VPS13D: variants seen among roughly 807,000 people sequenced by gnomAD.
The protein encoded by VPS13D is intermembrane lipid transfer protein VPS13D.
In VPS13D, 187 loss-of-function variants were observed where a neutral mutation model predicts 461.9. That is an observed-to-expected ratio of 0.40 (90% confidence interval 0.36 to 0.46). The LOEUF (loss-of-function observed/expected upper bound fraction) is 0.46, where lower values mean the gene tolerates loss of function less well. Ranked by LOEUF, VPS13D falls within the 20% of genes least tolerant of loss-of-function variation. The probability of loss-of-function intolerance (pLI) is 0.60; values close to 1 mark genes in which losing one functional copy is unlikely to be tolerated. For synonymous variants in VPS13D, 1,951 were observed against 1,986.3 expected (o/e 0.98, Z 0.47); for missense variants, 4,711 against 5,364.9 (o/e 0.88, Z 3.81).
rs771324801 is a variant in VPS13D at position 12,258,103 on chromosome 1, G to A, written c.1110G>A (p.Lys370=). 23 of 1,613,916 alleles carry A rather than the reference G, an allele frequency of 1.4e-5. No individual in the cohort carries two copies. The South Asian group carries it at 2.5e-4, about 18-fold the overall frequency. ...GAGGCCTGCTGTCCACAGATGACAA[G>A]GTAAGTGGACTGTGGTCTTGTGTTT... The part of the protein sequence containing the change: ...LKGGLLSTDD[K]EEMCRIEEEQ... Residue 370 remains lysine (K), a splice_region_variant and synonymous_variant, in exon 10 of 70, where the codon AAG becomes AAA. Transcript: ENST00000620676.
intron 67 of VPS13D, among the ~76,000 whole-genome samples, chr1:12,481,281 G>T (rs1389875244): frequency 6.6e-6 from 1 of 152,174 alleles, no homozygotes; most frequent in Non-Finnish European, 1.5e-5. Context: ...ACGGGGCCAA[G>T]TAGAAAAGGC....
At chr1:12,497,435 A>C in intron 67 of VPS13D, 65 bp from the exon 68 acceptor site, 1 of 1,546,314 alleles carries the variant, frequency 6.5e-7, no homozygotes, top group Non-Finnish European at 8.7e-7. Context: ...TGTCTTAGTG[A>C]GAAAGGAAAA....
intron 43 of VPS13D, 70 bp downstream of exon 43, chr1:12,345,579 G>T: frequency 6.5e-7 from 1 of 1,530,918 alleles, no homozygotes; most frequent in Non-Finnish European, 8.9e-7. Flanking sequence ...CCTGTAATAA[G>T]CTTACTCTAA....
intron 65 of VPS13D, among the ~76,000 whole-genome samples, chr1:12,433,042 G>C (rs1391776456): frequency 6.6e-6 from 1 of 152,132 alleles, no homozygotes; most frequent in African/African-American, 2.4e-5. Context: ...TGGTAACTTA[G>C]AATGGAAGCC....
At chr1:12,237,474 C>T (rs1450766113) in intron 2 of VPS13D, among the ~76,000 whole-genome samples, 1 of 151,700 alleles carries the variant, frequency 6.6e-6, no homozygotes, top group East Asian at 1.9e-4. Context: ...GCCTGGGCAA[C>T]AGAGCAAGAT....
At chr1:12,284,517 T>G (rs1641905532) in intron 21 of VPS13D, among the ~76,000 whole-genome samples, 1 of 152,222 alleles carries the variant, frequency 6.6e-6, no homozygotes, top group South Asian at 2.1e-4. Flanking sequence ...GCTATTCTGC[T>G]CTGTGTGATA....
chr1:12,326,002 T>C (rs1194580013), intron 35 of VPS13D, among the ~76,000 whole-genome samples: 2 of 151,476 alleles, frequency 1.3e-5, no homozygotes, highest in Non-Finnish European at 2.9e-5. Context: ...TTTTTCTTTT[T>C]TAAAATTTTT....
intron 30 of VPS13D, among the ~76,000 whole-genome samples, chr1:12,317,222 T>C (rs1335527096): frequency 6.6e-6 from 1 of 152,106 alleles, no homozygotes; most frequent in Admixed American, 6.6e-5. Flanking sequence ...AAATAGCCCA[T>C]AGGGAAAGAA....
chr1:12,445,768 C>A (rs973825888), intron 65 of VPS13D, among the ~76,000 whole-genome samples: 4 of 152,176 alleles, frequency 2.6e-5, no homozygotes, highest in African/African-American at 9.7e-5. Flanking sequence ...TGGGATCAAG[C>A]CAGTTTTCTA....
Position 12,347,422 on chromosome 1 carries a change from G to A in VPS13D, c.9069+770G>A, listed in dbSNP as rs111862054. On this transcript the variant is annotated intron_variant, in intron 44 of 69. Coordinates refer to ENST00000620676, the MANE Select transcript of VPS13D (RefSeq NM_015378.4). ...CCTGACCTCGTGATCTGCCTGCCTC[G>A]GCCTCCCAGAGTGCTGGGATTACAG... is the stretch of plus-strand genomic sequence containing the variant. 3.2e-4 allele frequency among the ~76,000 whole-genome samples: 48 copies of A among 152,236 alleles called. No homozygotes were observed. In the Middle Eastern group the frequency reaches 0.01, roughly 32 times the overall value.
In VPS13D at chr1:12,504,154, AAAAG is replaced by A. The variant is rs938881355; in HGVS notation, c.12795-2695_12795-2692del. ...TTTGGCAGATTTTGTAAAAAAAAGA[AAAAG>A]AAAAAATTAAAATTAATAATAATAA... On this transcript the variant is annotated intron_variant, in intron 68 of 69. Coordinates refer to ENST00000620676, the MANE Select transcript of VPS13D (RefSeq NM_015378.4). 4.6e-5 allele frequency among the ~76,000 whole-genome samples: 7 copies of A among 152,270 alleles called. No individual in the cohort carries two copies. In the South Asian group the frequency reaches 1.5e-3, roughly 32 times the overall value.
chr1:12,412,955 A>G (rs1260772245), intron 63 of VPS13D, among the ~76,000 whole-genome samples: 1 of 152,222 alleles, frequency 6.6e-6, no homozygotes, highest in Non-Finnish European at 1.5e-5. Flanking sequence ...AGCAGTAAGA[A>G]ATAAAAAACA....
intron 23 of VPS13D, among the ~76,000 whole-genome samples, chr1:12,292,327 A>G (rs1642156874): frequency 6.8e-6 from 1 of 147,524 alleles, no homozygotes; most frequent in Non-Finnish European, 1.5e-5. Context: ...GGTGGTTTTC[A>G]ACCCTTTTTT....
intron 33 of VPS13D, among the ~76,000 whole-genome samples, chr1:12,322,297 A>G (rs1052158171): frequency 6.6e-6 from 1 of 151,936 alleles, no homozygotes; most frequent in African/African-American, 2.4e-5. Context: ...CGATCTCCTC[A>G]CCTCGTGATC....
chr1:12,332,800 G>T (rs946313392), intron 37 of VPS13D, among the ~76,000 whole-genome samples: 1 of 152,232 alleles, frequency 6.6e-6, no homozygotes, highest in Non-Finnish European at 1.5e-5. Flanking sequence ...GCCTTCATAT[G>T]TACCTATTTA....
chr1:12,230,258 CT>C (rs1321808906), intron 1 of VPS13D, 138 bp downstream of exon 1: 1 of 152,262 alleles, frequency 6.6e-6, no homozygotes, highest in African/African-American at 2.4e-5. Flanking sequence ...TGCTAGGAGC[CT>C]GGGGGCCCCG....
At chr1:12,425,446 C>G (rs1318408280) in intron 65 of VPS13D, among the ~76,000 whole-genome samples, 1 of 152,094 alleles carries the variant, frequency 6.6e-6, no homozygotes, top group East Asian at 1.9e-4. Context: ...GTAATCCCAG[C>G]TATTCAGGAG....
rs532403969 is a variant in VPS13D at position 12,318,197 on chromosome 1, A to T, written c.7274A>T (p.His2425Leu). 2.5e-6 allele frequency: 4 copies of T among 1,614,228 alleles called. No individual in the cohort carries two copies. Among genetic ancestry groups the T allele is most frequent in the South Asian group, 1.1e-5 (1 of 91,084 alleles). The change falls in exon 31 of 70, where the codon CAT becomes CTT. Residue 2425 changes from histidine (H) to leucine (L), a missense_variant. By Grantham distance (99) the His-to-Leu change is moderately conservative. This residue lies in a region of VPS13D where 4,411 missense variants were observed against 4,937.8 expected (regional missense o/e 0.89). Coordinates refer to ENST00000620676, the MANE Select transcript of VPS13D (RefSeq NM_015378.4). ...CCCAGTGATATTAAGAAACAAAATCATGTTACTCCTTCTCGCCACCGTAAC... is the reference window on the plus strand; with the variant it reads ...CCCAGTGATATTAAGAAACAAAATCTTGTTACTCCTTCTCGCCACCGTAAC... Reference protein sequence around the residue: ...HTPSDIKKQNHVTPSRHRNSS... With the variant: ...HTPSDIKKQNLVTPSRHRNSS...
At chr1:12,263,842 T>G (rs1402138201) in intron 13 of VPS13D, among the ~76,000 whole-genome samples, 1 of 152,242 alleles carries the variant, frequency 6.6e-6, no homozygotes, top group African/African-American at 2.4e-5. Flanking sequence ...CTAATGGTGT[T>G]TGTGTGTTTA....
Sources: allele counts gnomAD v4.1 joint callset (sites outside exome capture counted in the v4.1 genomes callset), GRCh38; gene constraint gnomAD v4.1.1; regional missense constraint gnomAD v4.1.1; transcripts MANE v1.5; gene names NCBI Gene and HGNC (gene_info 2026-07-23, HGNC 2026-07-21).